RNF220: variants seen among roughly 807,000 people sequenced by gnomAD.
The protein encoded by RNF220 is ring finger protein 220.
RNF220 carries 7 observed loss-of-function variants against 67.1 expected under a neutral mutation model. The ratio of observed to expected loss-of-function variants is 0.10; its 90% CI spans 0.06 to 0.20. RNF220 has a LOEUF of 0.20. Ranked by LOEUF, RNF220 falls within the 10% of genes least tolerant of loss-of-function variation. RNF220 has a pLI of 1.00. For synonymous variants in RNF220, 270 were observed against 283.2 expected, an observed-to-expected ratio of 0.95 and a Z score of 0.47; for missense variants, 565 against 740.3, an observed-to-expected ratio of 0.76 and a Z score of 2.75.
In RNF220 at chr1:44,645,766, G is replaced by A. The variant is rs1424986715; in HGVS notation, c.1445+278G>A. On this transcript the variant is annotated intron_variant, in intron 12 of 14. Coordinates refer to ENST00000361799, the MANE Select transcript of RNF220 (RefSeq NM_018150.4). The surrounding 1 kb of genome is among the most constrained non-coding windows in gnomAD (Gnocchi z 5.0). ...GCCTGCTGCGGCGGCCTTCGCCCGG[G>A]GAATGTGATGTATGGCCGCCCAGCC... Among the ~76,000 whole-genome samples, 4 of 152,250 alleles carry A rather than the reference G, an allele frequency of 2.6e-5. No homozygotes were observed. The highest frequency in any genetic ancestry group is 9.6e-5 in the African/African-American group (4 of 41,472).
At chr1:44,609,157 G>C (rs889632082) in intron 2 of RNF220, among the ~76,000 whole-genome samples, 1 of 151,964 alleles carries the variant, frequency 6.6e-6, no homozygotes, top group Non-Finnish European at 1.5e-5. Context: ...GCAGGGGTTG[G>C]GGTAGGACAC....
At position 44,588,863 on chromosome 1, in the gene RNF220, G is replaced by C. The variant is rs138509598; in HGVS notation, c.626-25302G>C. ...GACTTCTTCCTGCCATCAGTTTCTAGTGGCTCTCCCACCTTCAGACTCTGC... is the reference window on the plus strand; with the variant it reads ...GACTTCTTCCTGCCATCAGTTTCTACTGGCTCTCCCACCTTCAGACTCTGC... On this transcript the variant is annotated intron_variant, in intron 2 of 14. Coordinates refer to ENST00000361799, the MANE Select transcript of RNF220 (RefSeq NM_018150.4). 2.8e-3 allele frequency among the ~76,000 whole-genome samples: 424 copies of C among 152,322 alleles called. 3 individuals carry two copies. The highest frequency in any genetic ancestry group is 9.6e-3 in the African/African-American group (400 of 41,566).
rs547792283 is a variant in RNF220 at position 44,536,376 on chromosome 1, G to A, written c.626-77789G>A. Among the ~76,000 whole-genome samples the A allele has an allele frequency of 2.6e-5, 4 of 152,348 alleles. No individual in the cohort carries two copies. The South Asian group carries it at 8.3e-4, about 32-fold the overall frequency. Reference sequence around the variant, plus strand: ...GGGGTGAAACATTGCTTTGAACTGGGCTACCTGAACAGCAAGCTTGGAAGC... The same window carrying A: ...GGGGTGAAACATTGCTTTGAACTGGACTACCTGAACAGCAAGCTTGGAAGC... On this transcript the variant is annotated intron_variant, in intron 2 of 14. Coordinates refer to ENST00000361799, the MANE Select transcript of RNF220 (RefSeq NM_018150.4).
intron 2 of RNF220, among the ~76,000 whole-genome samples, chr1:44,545,879 C>T (rs573693624): frequency 6.6e-6 from 1 of 152,076 alleles, no homozygotes; most frequent in East Asian, 1.9e-4. Flanking sequence ...GCCACAGTCT[C>T]CCGAGTAGCT....
intron 2 of RNF220, among the ~76,000 whole-genome samples, chr1:44,517,492 G>T (rs1659548442): frequency 6.6e-6 from 1 of 151,932 alleles, no homozygotes; most frequent in South Asian, 2.1e-4. Flanking sequence ...CCTGGCCTTT[G>T]ACTGTTGTCA....
intron 2 of RNF220, among the ~76,000 whole-genome samples, chr1:44,601,731 AT>A (rs1423606283): frequency 1.3e-5 from 2 of 152,210 alleles, no homozygotes; most frequent in Non-Finnish European, 2.9e-5. Flanking sequence ...ATAGTAAAAT[AT>A]TATTGAATTG....
chr1:44,528,078 A>G (rs1187291397), intron 2 of RNF220, among the ~76,000 whole-genome samples: 1 of 152,158 alleles, frequency 6.6e-6, no homozygotes, highest in Non-Finnish European at 1.5e-5. Context: ...AAACAAAAAT[A>G]AAAGGCAAAT....
intron 2 of RNF220, among the ~76,000 whole-genome samples, chr1:44,456,050 A>C (rs994899544): frequency 6.6e-6 from 1 of 152,198 alleles, no homozygotes; most frequent in African/African-American, 2.4e-5. Flanking sequence ...CTAGAGTGTC[A>C]TATTCTTAGA....
At chr1:44,462,959 G>A (rs185459916) in intron 2 of RNF220, among the ~76,000 whole-genome samples, 67 of 151,464 alleles carry the variant, frequency 4.4e-4, no homozygotes, top group East Asian at 1.4e-3. Context: ...CCCAGGAGGC[G>A]GAGCTTGCAA....
At chr1:44,408,518 A>T (rs188929835) in intron 1 of RNF220, among the ~76,000 whole-genome samples, 3,918 of 151,862 alleles carry the variant, frequency 0.026, 146 homozygotes, top group African/African-American at 0.079. Context: ...TAAAAAAAAA[A>T]TTTTTTTCCT....
chr1:44,492,393 G>T (rs1338018476), intron 2 of RNF220, among the ~76,000 whole-genome samples: 3 of 152,168 alleles, frequency 2.0e-5, no homozygotes, highest in Non-Finnish European at 1.5e-5. Flanking sequence ...GTTGCCATTT[G>T]TCCCAGCAAT....
At chr1:44,485,350 C>T (rs1557971425) in intron 2 of RNF220, among the ~76,000 whole-genome samples, 1 of 152,060 alleles carries the variant, frequency 6.6e-6, no homozygotes, top group Non-Finnish European at 1.5e-5. Flanking sequence ...ATAACAAAAA[C>T]AAATGGGAGG....
intron 2 of RNF220, among the ~76,000 whole-genome samples, chr1:44,556,599 A>G (rs270766): frequency 0.35 from 51,061 of 146,338 alleles, 9,226 homozygotes; most frequent in Middle Eastern, 0.46. Flanking sequence ...TGGCTCTGTC[A>G]CCCAGGCTGG....
chr1:44,579,714 T>C (rs1057166145), intron 2 of RNF220, among the ~76,000 whole-genome samples: 2 of 152,132 alleles, frequency 1.3e-5, no homozygotes, highest in Non-Finnish European at 2.9e-5. Context: ...AAGTCCCCAC[T>C]GAGGTCCTGA....
At chr1:44,637,306 A>C (rs1644357517) in intron 8 of RNF220, among the ~76,000 whole-genome samples, 2 of 152,364 alleles carry the variant, frequency 1.3e-5, no homozygotes, top group South Asian at 4.1e-4. Context: ...GCCAAAACAT[A>C]AATCAGGAAG....
chr1:44,619,073 G>A (rs1262770376), intron 3 of RNF220, among the ~76,000 whole-genome samples: 1 of 152,038 alleles, frequency 6.6e-6, no homozygotes, highest in Non-Finnish European at 1.5e-5. Flanking sequence ...GATGGGGGCT[G>A]GAGGTTGAAG....
chr1:44,504,484 G>C (rs1260835732), intron 2 of RNF220, among the ~76,000 whole-genome samples: 1 of 152,146 alleles, frequency 6.6e-6, no homozygotes, highest in Non-Finnish European at 1.5e-5. Flanking sequence ...GCAGAAGTTC[G>C]AGGGGCTGAT....
intron 2 of RNF220, among the ~76,000 whole-genome samples, chr1:44,538,964 T>C (rs1661459595): frequency 7.1e-6 from 1 of 140,018 alleles, no homozygotes; most frequent in Non-Finnish European, 1.5e-5. Flanking sequence ...ATCATGCCTA[T>C]AATCCCAGCA....
intron 2 of RNF220, among the ~76,000 whole-genome samples, chr1:44,510,142 G>A (rs912923424): frequency 1.3e-4 from 20 of 151,490 alleles, no homozygotes; most frequent in Non-Finnish European, 2.9e-4. Context: ...AGGAGGCTGA[G>A]GTGAGAGGAT....
Sources: gnomAD v4.1 joint callset for allele counts (sites outside exome capture counted in the v4.1 genomes callset) on GRCh38, gnomAD v4.1.1 for gene constraint, Gnocchi (gnomAD v3.1) non-coding constraint, MANE v1.5 for transcripts, NCBI Gene and HGNC (gene_info 2026-07-23, HGNC 2026-07-21) for gene names.